Variants in TNS3 observed in about 807,000 individuals in gnomAD.
TNS3 encodes the protein tensin-3.
In TNS3, 45 loss-of-function variants were observed where a neutral mutation model predicts 140.9. The ratio of observed to expected loss-of-function variants is 0.32; its 90% CI spans 0.25 to 0.41. TNS3 has a LOEUF of 0.41. Among genes scored for constraint, TNS3 ranks in the 10% least tolerant of loss-of-function variants. The pLI is 1.00. For missense variants in TNS3, 1,716 were observed against 1,906.7 expected (o/e 0.90, Z 1.86); for synonymous variants, 815 against 788.4 (o/e 1.03, Z -0.56).
At chr7:47,299,500 T>C (rs1584344918) in intron 23 of TNS3, among the ~76,000 whole-genome samples, 1 of 152,314 alleles carries the variant, frequency 6.6e-6, no homozygotes, top group East Asian at 1.9e-4. Context: ...TCAACTGTGA[T>C]ATACCTCAGA....
chr7:47,472,914 G>A (rs1364065100), intron 4 of TNS3, among the ~76,000 whole-genome samples: 1 of 152,126 alleles, frequency 6.6e-6, no homozygotes, highest in Middle Eastern at 3.2e-3. Context: ...CCCCAACAAC[G>A]AAGCACCCTC....
rs749850840 is a variant in TNS3, at chr7:47,435,297, G to T, written c.309C>A (p.Val103=). ...SWLNSNLQHV[V]VIHCRGGKGR... ...GCGCACTCACCCTGCAGTGAATGAC[G>T]ACCACATGCTGGAGGTTGCTGTTCA... Residue 103 remains valine (V), a synonymous_variant, in exon 8 of 31, where the codon GTC becomes GTA. Transcript: ENST00000311160. 1.2e-6 allele frequency: 2 copies of T among 1,613,844 alleles called. No individual in the cohort carries two copies. Among genetic ancestry groups the T allele is most frequent in the African/African-American group, 1.3e-5 (1 of 74,910 alleles).
At chr7:47,413,705 C>G (rs1206361085) in intron 12 of TNS3, among the ~76,000 whole-genome samples, 1 of 152,066 alleles carries the variant, frequency 6.6e-6, no homozygotes, top group African/African-American at 2.4e-5. Flanking sequence ...ATGGAGCCAA[C>G]TAGTGTGACA....
chr7:47,296,564 T>C (rs1021438161), intron 24 of TNS3, among the ~76,000 whole-genome samples: 10 of 152,358 alleles, frequency 6.6e-5, no homozygotes, highest in Admixed American at 5.9e-4. Flanking sequence ...GCATAGTCCT[T>C]TACCTGCATT....
intron 2 of TNS3, among the ~76,000 whole-genome samples, chr7:47,519,539 C>G (rs1167101225): frequency 6.6e-6 from 1 of 152,168 alleles, no homozygotes; most frequent in Non-Finnish European, 1.5e-5. Context: ...TCCCAAGAAC[C>G]CCAGTCCCCC....
intron 1 of TNS3, chr7:47,539,491 A>T (rs1799721622): frequency 3.9e-6 from 1 of 255,378 alleles, no homozygotes; most frequent in African/African-American, 2.2e-5. Context: ...CCTGCCCCCG[A>T]CTCTGACCTC....
At chr7:47,495,083 C>T (rs1019539882) in intron 3 of TNS3, among the ~76,000 whole-genome samples, 6 of 148,026 alleles carry the variant, frequency 4.1e-5, no homozygotes, top group African/African-American at 1.5e-4. Context: ...CCCAGCTACT[C>T]GGGAGGCTGA....
intron 17 of TNS3, among the ~76,000 whole-genome samples, chr7:47,347,367 T>C (rs1042462613): frequency 1.3e-5 from 2 of 152,012 alleles, no homozygotes; most frequent in African/African-American, 4.8e-5. Context: ...CACTGACACC[T>C]CCTACATCCA....
chr7:47,288,168 C>T (rs1237678895), intron 27 of TNS3, among the ~76,000 whole-genome samples: 2 of 152,126 alleles, frequency 1.3e-5, no homozygotes, highest in African/African-American at 4.8e-5. Flanking sequence ...GGGCTGTGTC[C>T]CTGAGACAAT....
At chr7:47,469,379 A>G (rs1032559927) in intron 4 of TNS3, among the ~76,000 whole-genome samples, 3 of 152,246 alleles carry the variant, frequency 2.0e-5, no homozygotes, top group African/African-American at 4.8e-5. Context: ...CAGAATGGCT[A>G]TTATTAAAAA....
At position 47,564,853 on chromosome 7, in the gene TNS3, C is replaced by G. The variant is rs1226262778; in HGVS notation, c.-265+17198G>C. Among the ~76,000 whole-genome samples, 5 of 151,902 alleles carry G rather than the reference C, an allele frequency of 3.3e-5. No individual in the cohort carries two copies. In the East Asian group the frequency reaches 7.7e-4, roughly 23 times the overall value. Reference sequence around the variant, plus strand: ...CATTCAGCTCTCAGTTTCCACAGCACCTTCTTTTCCTCTGCAGACATGTCC... The same window carrying G: ...CATTCAGCTCTCAGTTTCCACAGCAGCTTCTTTTCCTCTGCAGACATGTCC... On this transcript the variant is annotated intron_variant, in intron 1 of 30. Coordinates refer to ENST00000311160, the MANE Select transcript of TNS3 (RefSeq NM_022748.12).
intron 15 of TNS3, among the ~76,000 whole-genome samples, chr7:47,397,954 A>C (rs944913578): frequency 6.6e-6 from 1 of 152,244 alleles, no homozygotes; most frequent in East Asian, 1.9e-4. Context: ...AGAAGAGAGA[A>C]GATTCAAATA....
At chr7:47,409,318 C>A (rs1168833750) in intron 13 of TNS3, among the ~76,000 whole-genome samples, 1 of 148,414 alleles carries the variant, frequency 6.7e-6, no homozygotes, top group Non-Finnish European at 1.5e-5. Context: ...CCATAAACAG[C>A]CCAGGGGAGA....
In TNS3 at chr7:47,325,241, G is replaced by A. The variant is rs549478283; in HGVS notation, c.2650+19514C>T. On this transcript the variant is annotated intron_variant, in intron 20 of 30. Coordinates refer to ENST00000311160, the MANE Select transcript of TNS3 (RefSeq NM_022748.12). ...TCTAGAAGCTTTTCTATCTGTACTT[G>A]GTCACTCAAGAAAGCCAGGCATCCC... Among the ~76,000 whole-genome samples, 3 of 152,230 alleles carry A rather than the reference G, an allele frequency of 2.0e-5. No individual in the cohort carries two copies. In the East Asian group the frequency reaches 5.8e-4, roughly 29 times the overall value.
rs1562675119 is a variant in TNS3 at position 47,389,072 on chromosome 7, GA to G, written c.1024+7727del. On this transcript the variant is annotated intron_variant, in intron 16 of 30. Transcript: ENST00000311160. ...AGAAGAAGAAGAAGAAGAAGAAGAAGAAGAAGAAGAAGAGGAAGAGGAAGAG... is the reference window on the plus strand; with the variant it reads ...AGAAGAAGAAGAAGAAGAAGAAGAAGAGAAGAAGAAGAGGAAGAGGAAGAG... Among the ~76,000 whole-genome samples, 13 of 70,090 alleles carry G rather than the reference GA, an allele frequency of 1.9e-4. No individual in the cohort carries two copies. In the East Asian group the frequency reaches 1.9e-3, roughly 10 times the overall value. The allele number at this position is 70,090 out of a possible 152,430, so 46.0% of individuals were successfully genotyped here. A position where few individuals can be genotyped will look rare whatever the true frequency, so the allele number is the denominator to read the frequency against.
chr7:47,352,822 C>T (rs1217485450), intron 17 of TNS3, among the ~76,000 whole-genome samples: 1 of 152,186 alleles, frequency 6.6e-6, no homozygotes, highest in East Asian at 1.9e-4. Flanking sequence ...CAGGTGACTC[C>T]ATGGCAGTGG....
At chr7:47,475,537 G>T (rs879497246) in intron 4 of TNS3, among the ~76,000 whole-genome samples, 39 of 152,336 alleles carry the variant, frequency 2.6e-4, no homozygotes, top group Admixed American at 1.4e-3. Flanking sequence ...CTTCCCCGGG[G>T]GGGGGGCCAG....
chr7:47,461,818 G>C (rs779866316), intron 4 of TNS3, among the ~76,000 whole-genome samples: 14 of 152,218 alleles, frequency 9.2e-5, no homozygotes, highest in African/African-American at 3.4e-4. Context: ...AGAGCCTTGC[G>C]TGAGGCAGTC....
At chr7:47,370,806 G>C (rs1791024360) in intron 16 of TNS3, among the ~76,000 whole-genome samples, 1 of 152,242 alleles carries the variant, frequency 6.6e-6, no homozygotes, top group Non-Finnish European at 1.5e-5. Context: ...AGAGACGTGA[G>C]CCACTACCTA....
Sources: allele counts gnomAD v4.1 joint callset (sites outside exome capture counted in the v4.1 genomes callset), GRCh38; gene constraint gnomAD v4.1.1; transcripts MANE v1.5; gene names NCBI Gene and HGNC (gene_info 2026-07-23, HGNC 2026-07-21).